RORB: variants seen among roughly 807,000 people sequenced by gnomAD.
RORB encodes the protein nuclear receptor ROR-beta.
A neutral mutation model predicts 59.1 loss-of-function variants in RORB; 6 were observed. That is an observed-to-expected ratio of 0.10 (90% CI 0.06 to 0.20). The LOEUF (loss-of-function observed/expected upper bound fraction) is 0.20, where lower values mean the gene tolerates loss of function less well. Among genes scored for constraint, RORB ranks in the 10% least tolerant of loss-of-function variants. The pLI is 1.00. For missense variants in RORB, 320 were observed against 560.5 expected (o/e 0.57, Z 4.33); for synonymous variants, 215 against 204.5 (o/e 1.05, Z -0.44).
chr9:74,566,311 A>G (rs946745427), intron 1 of RORB, among the ~76,000 whole-genome samples: 16 of 151,846 alleles, frequency 1.1e-4, no homozygotes, highest in Admixed American at 2.0e-4. Flanking sequence ...TCTGCTTCAT[A>G]GAGTTGTTGG....
At chr9:74,577,739 C>G (rs1357939962) in intron 1 of RORB, among the ~76,000 whole-genome samples, 1 of 151,960 alleles carries the variant, frequency 6.6e-6, no homozygotes, top group African/African-American at 2.4e-5. Flanking sequence ...AGATTCCCAC[C>G]CTATAAAATG....
intron 1 of RORB, among the ~76,000 whole-genome samples, chr9:74,577,916 C>A (rs1434469643): frequency 6.6e-6 from 1 of 152,060 alleles, no homozygotes; most frequent in Non-Finnish European, 1.5e-5. Flanking sequence ...AGACTGTCTC[C>A]ACAGTTCTCG....
At chr9:74,679,968 T>C (rs1587421466) in intron 9 of RORB, among the ~76,000 whole-genome samples, 1 of 152,116 alleles carries the variant, frequency 6.6e-6, no homozygotes, top group African/African-American at 2.4e-5. Flanking sequence ...CTTGGCATGG[T>C]GGTGCGCATC....
chr9:74,556,229 A>G (rs1262927604), intron 1 of RORB, among the ~76,000 whole-genome samples: 1 of 152,218 alleles, frequency 6.6e-6, no homozygotes, highest in African/African-American at 2.4e-5. Flanking sequence ...GAAGCATTAT[A>G]TGAATCCAGT....
At chr9:74,502,084 G>A (rs956110823) in intron 1 of RORB, among the ~76,000 whole-genome samples, 1 of 152,002 alleles carries the variant, frequency 6.6e-6, no homozygotes, top group African/African-American at 2.4e-5. Flanking sequence ...AACCAAATAT[G>A]AATGTTAACA....
intron 1 of RORB, among the ~76,000 whole-genome samples, chr9:74,574,057 C>T (rs1196398927): frequency 2.6e-5 from 4 of 152,116 alleles, no homozygotes; most frequent in African/African-American, 9.7e-5. Context: ...CTGCATCAAC[C>T]CAGCAAGATG....
intron 1 of RORB, among the ~76,000 whole-genome samples, chr9:74,580,966 C>G (rs969738899): frequency 4.6e-5 from 7 of 152,114 alleles, no homozygotes; most frequent in Non-Finnish European, 1.0e-4. Context: ...AAGTTTTGCC[C>G]CACCCAGCTG....
chr9:74,546,232 T>C (rs1366847414), intron 1 of RORB, among the ~76,000 whole-genome samples: 2 of 152,124 alleles, frequency 1.3e-5, no homozygotes, highest in Non-Finnish European at 2.9e-5. Flanking sequence ...ATGGTAGAAA[T>C]CTGGGTTTAC....
At chr9:74,581,559 G>A (rs1822723460) in intron 1 of RORB, among the ~76,000 whole-genome samples, 1 of 152,176 alleles carries the variant, frequency 6.6e-6, no homozygotes, top group African/African-American at 2.4e-5. Context: ...CCACCTGCTT[G>A]AGCAGGAAAA....
At chr9:74,664,197 T>C (rs1824232967) in intron 6 of RORB, among the ~76,000 whole-genome samples, 1 of 152,186 alleles carries the variant, frequency 6.6e-6, no homozygotes. Context: ...AATTCCAAAT[T>C]TAGAATTGCA....
At chr9:74,639,092 C>G (rs1823751173) in intron 3 of RORB, among the ~76,000 whole-genome samples, 1 of 152,202 alleles carries the variant, frequency 6.6e-6, no homozygotes, top group African/African-American at 2.4e-5. Flanking sequence ...TGGTTAACAG[C>G]AGATTTCTGT....
Position 74,692,670 on chromosome 9 carries a change from A to G in RORB, c.*7052A>G, listed in dbSNP as rs913738623. The G allele has an allele frequency of 3.3e-5, 5 of 152,242 alleles. No homozygotes were observed. The highest frequency in any genetic ancestry group is 2.6e-4 in the Admixed American group (4 of 15,280). 9.4% of individuals were successfully genotyped at this position (152,242 alleles called of 1,614,324 possible). ...TGTAAAATAAAAATATTCACTCTAA[A>G]AAGAATAATAATTCTACTTTTTTAA... On this transcript the variant is annotated 3_prime_UTR_variant, in exon 10 of 10. Transcript: ENST00000376896.
intron 3 of RORB, among the ~76,000 whole-genome samples, chr9:74,638,093 T>C (rs1823735094): frequency 6.6e-6 from 1 of 152,166 alleles, no homozygotes; most frequent in African/African-American, 2.4e-5. Flanking sequence ...AGAGTTAAAT[T>C]GAGACCAGTT....
intron 1 of RORB, among the ~76,000 whole-genome samples, chr9:74,564,617 T>C (rs1822443426): frequency 6.6e-6 from 1 of 152,244 alleles, no homozygotes; most frequent in Non-Finnish European, 1.5e-5. Flanking sequence ...TTACTTTGTA[T>C]AGCCGACTAT....
At chr9:74,538,275 A>G (rs995587841) in intron 1 of RORB, among the ~76,000 whole-genome samples, 1 of 152,060 alleles carries the variant, frequency 6.6e-6, no homozygotes, top group Non-Finnish European at 1.5e-5. Flanking sequence ...CATGTCTCTG[A>G]ACTTATCCCC....
intron 1 of RORB, among the ~76,000 whole-genome samples, chr9:74,588,869 T>G (rs893488375): frequency 6.6e-6 from 1 of 152,180 alleles, no homozygotes; most frequent in African/African-American, 2.4e-5. Context: ...TCTGGCCTGC[T>G]TTCCATGTTA....
intron 1 of RORB, among the ~76,000 whole-genome samples, chr9:74,599,788 T>C (rs1289079938): frequency 6.6e-6 from 1 of 152,172 alleles, no homozygotes; most frequent in East Asian, 1.9e-4. Context: ...ACTTGCCCCA[T>C]ACCTGGCCTT....
At chr9:74,587,837 T>C (rs1183518490) in intron 1 of RORB, among the ~76,000 whole-genome samples, 2 of 152,182 alleles carry the variant, frequency 1.3e-5, no homozygotes, top group Admixed American at 1.3e-4. Flanking sequence ...GTAAATCACA[T>C]GGCCAATTTT....
intron 4 of RORB, among the ~76,000 whole-genome samples, chr9:74,659,981 C>A (rs1824154198): frequency 1.0e-5 from 1 of 97,022 alleles, no homozygotes; most frequent in Non-Finnish European, 2.1e-5. Context: ...CAATTCCAAT[C>A]ATTATCAACT....
Sources: gnomAD v4.1 joint callset for allele counts (sites outside exome capture counted in the v4.1 genomes callset) on GRCh38, gnomAD v4.1.1 for gene constraint, MANE v1.5 for transcripts, NCBI Gene and HGNC (gene_info 2026-07-23, HGNC 2026-07-21) for gene names.